The following PLAA variants were observed in gnomAD, a reference collection of about 807,000 sequenced individuals.
PLAA encodes the protein phospholipase A2 activating protein.
PLAA carries 48 observed loss-of-function variants against 84.1 expected under a neutral mutation model. That is an observed-to-expected ratio of 0.57 (90% CI 0.45 to 0.73). PLAA has a LOEUF of 0.73. PLAA is among the 30% of genes least tolerant of loss of function. PLAA has a pLI of 0.00. For missense variants in PLAA, 903 were observed against 954.7 expected (o/e 0.95, Z 0.71); for synonymous variants, 392 against 336.6 (o/e 1.16, Z -1.80).
At chr9:26,916,466 C>A in intron 10 of PLAA, 1 of 986,790 alleles carries the variant, frequency 1.0e-6, no homozygotes, top group Non-Finnish European at 1.2e-6. Flanking sequence ...TGAAGAGATA[C>A]ACCAACACTT....
intron 1 of PLAA, among the ~76,000 whole-genome samples, chr9:26,941,238 G>A (rs1480282935): frequency 2.0e-5 from 3 of 151,746 alleles, no homozygotes; most frequent in Admixed American, 6.6e-5. Flanking sequence ...TGTCCTGCTA[G>A]TACTCAGCAA....
In PLAA at chr9:26,904,849, G is replaced by C. The variant is rs1199051506; in HGVS notation, c.*662C>G. The C allele has an allele frequency of 6.6e-6, 1 of 152,256 alleles. No individual in the cohort carries two copies. The highest frequency in any genetic ancestry group is 6.6e-5 in the Admixed American group (1 of 15,260). The allele number at this position is 152,256 out of a possible 1,614,324, so 9.4% of individuals were successfully genotyped here. A position where few individuals can be genotyped will look rare whatever the true frequency, so the allele number is the denominator to read the frequency against. On this transcript the variant is annotated 3_prime_UTR_variant, in exon 14 of 14. Coordinates refer to ENST00000397292, the MANE Select transcript of PLAA (RefSeq NM_001031689.3). ...CAAATAGTGAAGGGCAAAAGAAACT[G>C]GATCTAAGCCTGGAGTTAAATTGAG...
rs1825764282 is a variant in PLAA, at chr9:26,947,207, G to C, written c.-162C>G. 1.2e-6 allele frequency: 1 copy of C among 813,592 alleles called. No homozygotes were observed. Among genetic ancestry groups the C allele is most frequent in the African/African-American group, 1.8e-5 (1 of 54,784 alleles). The allele number at this position is 813,592 out of a possible 1,614,324, so 50.4% of individuals were successfully genotyped here. ...CCGGTACGGAAGGGCGGCTGGGAAG[G>C]GGCGCGCCGAGCGGGCCGAGTGACA... On this transcript the variant is annotated 5_prime_UTR_variant, in exon 1 of 14. Transcript: ENST00000397292.
At chr9:26,945,986 G>C (rs938414061) in intron 1 of PLAA, among the ~76,000 whole-genome samples, 11 of 152,102 alleles carry the variant, frequency 7.2e-5, no homozygotes, top group Non-Finnish European at 1.6e-4. Context: ...CCATCAGACT[G>C]TAAGAAAGCT....
At chr9:26,918,696 G>C (rs779045269) in intron 9 of PLAA, among the ~76,000 whole-genome samples, 19 of 152,130 alleles carry the variant, frequency 1.2e-4, no homozygotes, top group Non-Finnish European at 1.5e-5. Flanking sequence ...ATGTTATTTA[G>C]AGGAGGCATT....
At chr9:26,908,321 C>T (rs1458983929) in intron 12 of PLAA, among the ~76,000 whole-genome samples, 1 of 151,718 alleles carries the variant, frequency 6.6e-6, no homozygotes, top group African/African-American at 2.4e-5. Flanking sequence ...CGCCTGCCAC[C>T]ATGCCTGGCT....
chr9:26,920,535 T>C, intron 7 of PLAA, 151 bp from the exon 8 acceptor site: 1 of 539,014 alleles, frequency 1.9e-6, no homozygotes, highest in Non-Finnish European at 3.1e-6. Context: ...GATTTAAAAA[T>C]GTGGCCAAAA....
At chr9:26,946,515 A>G (rs1422309542) in intron 1 of PLAA, among the ~76,000 whole-genome samples, 1 of 128,920 alleles carries the variant, frequency 7.8e-6, no homozygotes, top group African/African-American at 3.5e-5. Flanking sequence ...CTTCTTCGAA[A>G]AAAAAAAAAA....
chr9:26,929,179 G>A (rs1825086351), intron 2 of PLAA, among the ~76,000 whole-genome samples: 1 of 151,970 alleles, frequency 6.6e-6, no homozygotes, highest in African/African-American at 2.4e-5. Flanking sequence ...TCACGCCTGG[G>A]TGACACAGCA....
intron 1 of PLAA, among the ~76,000 whole-genome samples, chr9:26,935,708 T>A (rs1424057503): frequency 6.6e-6 from 1 of 152,088 alleles, no homozygotes; most frequent in Non-Finnish European, 1.5e-5. Flanking sequence ...TCAAATCTTT[T>A]GCCTTCCCTG....
At chr9:26,913,351 T>TA (rs1045107601) in intron 11 of PLAA, among the ~76,000 whole-genome samples, 1 of 151,588 alleles carries the variant, frequency 6.6e-6, no homozygotes, top group Non-Finnish European at 1.5e-5. Flanking sequence ...AACTAAGGAT[T>TA]AAAAAAAAAT....
chr9:26,947,182 C>T lies in PLAA; in HGVS notation c.-137G>A. ...GCCGGAGACCGGAAGAGCCCGAGAG[C>T]CGGTACGGAAGGGCGGCTGGGAAGG... On this transcript the variant is annotated 5_prime_UTR_variant, in exon 1 of 14. Coordinates refer to ENST00000397292, the MANE Select transcript of PLAA (RefSeq NM_001031689.3). 1 of 1,075,430 alleles carries T rather than the reference C, an allele frequency of 9.3e-7. No homozygotes were observed. Among genetic ancestry groups the T allele is most frequent in the Non-Finnish European group, 1.3e-6 (1 of 792,266 alleles). 66.6% of individuals were successfully genotyped at this position (1,075,430 alleles called of 1,614,324 possible). A position where few individuals can be genotyped will look rare whatever the true frequency, so the allele number is the denominator to read the frequency against.
At chr9:26,931,808 G>A (rs554195330) in intron 2 of PLAA, among the ~76,000 whole-genome samples, 2 of 152,284 alleles carry the variant, frequency 1.3e-5, no homozygotes, top group East Asian at 1.9e-4. Flanking sequence ...TTGGAAGGCC[G>A]AGGCAGGCAG....
intron 4 of PLAA, among the ~76,000 whole-genome samples, chr9:26,927,857 C>T (rs917201035): frequency 1.3e-5 from 2 of 152,102 alleles, no homozygotes; most frequent in African/African-American, 4.8e-5. Flanking sequence ...AGCACATATG[C>T]ATATTATATA....
At position 26,904,550 on chromosome 9, in the gene PLAA, C is replaced by T. The variant is rs2131359451; in HGVS notation, c.*961G>A. 6.6e-6 allele frequency: 1 copy of T among 152,014 alleles called. No individual in the cohort carries two copies. Among genetic ancestry groups the T allele is most frequent in the South Asian group, 2.1e-4 (1 of 4,816 alleles). 9.4% of individuals were successfully genotyped at this position (152,014 alleles called of 1,614,324 possible). A position where few individuals can be genotyped will look rare whatever the true frequency, so the allele number is the denominator to read the frequency against. On this transcript the variant is annotated 3_prime_UTR_variant, in exon 14 of 14. Coordinates refer to ENST00000397292, the MANE Select transcript of PLAA (RefSeq NM_001031689.3). ...TATATGATTCATCCTATTATGTCTA[C>T]TTCTGAAAGCAGAGATAATACTGGC...
rs190622319 is a variant in PLAA at position 26,914,174 on chromosome 9, G to A, written c.1487-227C>T. 2.4e-4 allele frequency among the ~76,000 whole-genome samples: 37 copies of A among 152,294 alleles called. No homozygotes were observed. In the East Asian group the frequency reaches 5.2e-3, roughly 21 times the overall value. On this transcript the variant is annotated intron_variant, in intron 10 of 13. Coordinates refer to ENST00000397292, the MANE Select transcript of PLAA (RefSeq NM_001031689.3). Reference sequence around the variant, plus strand: ...ACATGCCTTATATATTATAATTGTAGAAGTTTAGTAAACTACAAAAATGTA... The same window carrying A: ...ACATGCCTTATATATTATAATTGTAAAAGTTTAGTAAACTACAAAAATGTA...
chr9:26,932,254 T>C (rs1435283275), intron 2 of PLAA, among the ~76,000 whole-genome samples: 3 of 151,934 alleles, frequency 2.0e-5, no homozygotes, highest in Admixed American at 6.6e-5. Flanking sequence ...GATAACAATA[T>C]TGTGGTTATT....
At chr9:26,907,793 T>A (rs768399988) in intron 13 of PLAA, 41 bp downstream of exon 13, 1 of 1,528,332 alleles carries the variant, frequency 6.5e-7, no homozygotes, top group East Asian at 2.3e-5. Context: ...AAGATAAAAC[T>A]TCTTGCTTTC....
chr9:26,924,639 CTT>C (rs2131389825), intron 6 of PLAA, among the ~76,000 whole-genome samples: 1 of 152,292 alleles, frequency 6.6e-6, no homozygotes, highest in South Asian at 2.1e-4. Flanking sequence ...TCCTCAAACA[CTT>C]TTGACACTGA....
Sources: gnomAD v4.1 joint callset for allele counts (sites outside exome capture counted in the v4.1 genomes callset) on GRCh38, gnomAD v4.1.1 for gene constraint, MANE v1.5 for transcripts, NCBI Gene and HGNC (gene_info 2026-07-23, HGNC 2026-07-21) for gene names.